The following ZRANB3 variants were observed in gnomAD, a reference collection of about 807,000 sequenced individuals.
ZRANB3 encodes the protein zinc finger RANBP2-type containing 3, also known as DNA annealing helicase and endonuclease ZRANB3.
A neutral mutation model predicts 133.8 loss-of-function variants in ZRANB3; 125 were observed. The observed-to-expected ratio is 0.93, with a 90% confidence interval of 0.81 to 1.08. The LOEUF (loss-of-function observed/expected upper bound fraction) is 1.08. Among genes scored for constraint, ZRANB3 ranks in the 50% least tolerant of loss-of-function variants. The pLI, the probability that ZRANB3 is intolerant of heterozygous loss-of-function variation, is 0.00. For synonymous variants in ZRANB3, 387 were observed against 432.7 expected (o/e 0.89, Z 1.31); for missense variants, 1,229 against 1,275.5 (o/e 0.96, Z 0.56).
At chr2:135,258,597 T>C (rs1436560805) in intron 12 of ZRANB3, among the ~76,000 whole-genome samples, 1 of 152,182 alleles carries the variant, frequency 6.6e-6, no homozygotes, top group African/African-American at 2.4e-5. Flanking sequence ...AACCCGGGTT[T>C]TCCTACAACA....
At chr2:135,220,193 C>G (rs1049910668) in intron 15 of ZRANB3, among the ~76,000 whole-genome samples, 2 of 152,074 alleles carry the variant, frequency 1.3e-5, no homozygotes, top group African/African-American at 4.8e-5. Context: ...GCATGAGCCA[C>G]CACGCCCAGC....
chr2:135,425,987 A>G (rs1053509666), intron 2 of ZRANB3, among the ~76,000 whole-genome samples: 6 of 152,130 alleles, frequency 3.9e-5, no homozygotes, highest in African/African-American at 1.4e-4. Flanking sequence ...AAATAAACAC[A>G]ATCAGAAGTG....
chr2:135,411,676 G>A (rs1688308975), intron 2 of ZRANB3, among the ~76,000 whole-genome samples: 1 of 152,124 alleles, frequency 6.6e-6, no homozygotes, highest in South Asian at 2.1e-4. Flanking sequence ...CTCAGAAGCA[G>A]AAAATCAAAT....
intron 3 of ZRANB3, among the ~76,000 whole-genome samples, chr2:135,363,562 T>C (rs1385847724): frequency 2.0e-5 from 3 of 152,152 alleles, no homozygotes; most frequent in African/African-American, 4.8e-5. Flanking sequence ...TCCACTTGCA[T>C]TGTAGTATAG....
intron 2 of ZRANB3, among the ~76,000 whole-genome samples, chr2:135,497,274 T>C (rs976505330): frequency 5.3e-5 from 8 of 152,302 alleles, no homozygotes; most frequent in African/African-American, 9.6e-5. Context: ...GAGTCAATAA[T>C]AGCTGAGACA....
intron 9 of ZRANB3, among the ~76,000 whole-genome samples, chr2:135,274,516 C>G (rs183672623): frequency 3.3e-4 from 51 of 152,324 alleles, no homozygotes; most frequent in Admixed American, 2.7e-3. Flanking sequence ...CTACACCACT[C>G]TAAAACGGTA....
At chr2:135,224,013 TA>T (rs1303464752) in intron 15 of ZRANB3, among the ~76,000 whole-genome samples, 1 of 152,346 alleles carries the variant, frequency 6.6e-6, no homozygotes, top group East Asian at 1.9e-4. Flanking sequence ...TTTTATTTTT[TA>T]TTATTTTAAC....
chr2:135,291,981 A>G (rs1681766809), intron 8 of ZRANB3, among the ~76,000 whole-genome samples: 1 of 152,146 alleles, frequency 6.6e-6, no homozygotes, highest in African/African-American at 2.4e-5. Context: ...ACATTTTCTT[A>G]ATCCAGTCTA....
chr2:135,423,372 A>G (rs1383784835), intron 2 of ZRANB3, among the ~76,000 whole-genome samples: 1 of 152,236 alleles, frequency 6.6e-6, no homozygotes, highest in Non-Finnish European at 1.5e-5. Context: ...CGGAGGTTGC[A>G]GTGAGCCAAG....
intron 2 of ZRANB3, among the ~76,000 whole-genome samples, chr2:135,404,759 A>G (rs1169230362): frequency 6.6e-6 from 1 of 152,256 alleles, no homozygotes; most frequent in African/African-American, 2.4e-5. Flanking sequence ...ATCTCTCGGC[A>G]GAAACTCTAC....
At chr2:135,439,710 A>G (rs1313229733) in intron 2 of ZRANB3, among the ~76,000 whole-genome samples, 1 of 152,200 alleles carries the variant, frequency 6.6e-6, no homozygotes, top group African/African-American at 2.4e-5. Context: ...CAAACTGAAA[A>G]CAACAAACAG....
intron 8 of ZRANB3, among the ~76,000 whole-genome samples, chr2:135,294,791 G>A (rs978246919): frequency 6.6e-6 from 1 of 151,972 alleles, no homozygotes; most frequent in South Asian, 2.1e-4. Context: ...ACTTTGGTAT[G>A]TTGTGTCTTT....
rs542831856 is a variant in ZRANB3 at position 135,350,722 on chromosome 2, T to C, written c.360-507A>G. Among the ~76,000 whole-genome samples, 12 of 152,274 alleles carry C rather than the reference T, an allele frequency of 7.9e-5. No homozygotes were observed. The South Asian group carries it at 2.5e-3, about 32-fold the overall frequency. On this transcript the variant is annotated intron_variant, in intron 4 of 20. Coordinates refer to ENST00000264159, the MANE Select transcript of ZRANB3 (RefSeq NM_032143.4). Reference sequence around the variant, plus strand: ...CTGTTCAGTGCACCGCAGAGCTTCATTTCCTGGTCCTACCTATTAAAGGAC... The same window carrying C: ...CTGTTCAGTGCACCGCAGAGCTTCACTTCCTGGTCCTACCTATTAAAGGAC...
At chr2:135,302,682 C>T (rs1030610577) in intron 8 of ZRANB3, among the ~76,000 whole-genome samples, 19 of 152,092 alleles carry the variant, frequency 1.2e-4, no homozygotes, top group Middle Eastern at 3.4e-3. Flanking sequence ...CGCACCACCA[C>T]GCCCGGCTAA....
chr2:135,319,148 G>T (rs1294874929), intron 6 of ZRANB3, among the ~76,000 whole-genome samples: 3 of 152,170 alleles, frequency 2.0e-5, no homozygotes, highest in Non-Finnish European at 4.4e-5. Context: ...CCTTTTTAGA[G>T]TTAGACACTT....
chr2:135,254,697 AT>A, intron 12 of ZRANB3, among the ~76,000 whole-genome samples: 1 of 152,234 alleles, frequency 6.6e-6, no homozygotes, highest in East Asian at 1.9e-4. Flanking sequence ...CAATTCAATG[AT>A]TTTAGTATAT....
At chr2:135,254,078 T>C (rs1357739419) in intron 12 of ZRANB3, among the ~76,000 whole-genome samples, 2 of 152,242 alleles carry the variant, frequency 1.3e-5, no homozygotes, top group Non-Finnish European at 2.9e-5. Context: ...TCACTTCTCA[T>C]GTGCCCTAAG....
chr2:135,494,263 G>T (rs1293126109), intron 2 of ZRANB3, among the ~76,000 whole-genome samples: 1 of 143,588 alleles, frequency 7.0e-6, no homozygotes, highest in African/African-American at 2.6e-5. Flanking sequence ...AGCTGAGATC[G>T]CGCCACTGCA....
At chr2:135,404,473 G>C (rs1402200109) in intron 2 of ZRANB3, among the ~76,000 whole-genome samples, 4 of 152,200 alleles carry the variant, frequency 2.6e-5, no homozygotes, top group African/African-American at 9.7e-5. Flanking sequence ...ATCTACATCT[G>C]ATTGGTGTAC....
Sources: allele counts gnomAD v4.1 joint callset (sites outside exome capture counted in the v4.1 genomes callset), GRCh38; gene constraint gnomAD v4.1.1; transcripts MANE v1.5; gene names NCBI Gene and HGNC (gene_info 2026-07-23, HGNC 2026-07-21).